Variants in ZMIZ1 observed in about 807,000 individuals in gnomAD.
ZMIZ1 encodes zinc finger MIZ-type containing 1, also known as zinc finger MIZ domain-containing protein 1.
ZMIZ1 carries 17 observed loss-of-function variants against 113.9 expected under a neutral mutation model. The ratio of observed to expected loss-of-function variants is 0.15; its 90% CI spans 0.10 to 0.22. The LOEUF is 0.22. ZMIZ1 is among the 10% of genes least tolerant of loss of function. The pLI is 1.00. For synonymous variants in ZMIZ1, 607 were observed against 603.1 expected, an observed-to-expected ratio of 1.01 and a Z score of -0.09; for missense variants, 1,059 against 1,477.8, an observed-to-expected ratio of 0.72 and a Z score of 4.65.
At chr10:79,293,286 A>C (rs1589581874) in intron 11 of ZMIZ1, 95 bp from the exon 12 acceptor site, 452 of 956,406 alleles carry the variant, frequency 4.7e-4, no homozygotes, top group East Asian at 5.6e-4. Context: ...CCACTCCTCC[A>C]CCTCCCCAAC....
intron 7 of ZMIZ1, among the ~76,000 whole-genome samples, chr10:79,229,644 C>G (rs1371580581): frequency 2.0e-5 from 3 of 152,154 alleles, no homozygotes; most frequent in Non-Finnish European, 2.9e-5. Flanking sequence ...TAAATTCACC[C>G]CTTCAACGTA....
intron 9 of ZMIZ1, 33 bp downstream of exon 9, chr10:79,289,922 T>G: frequency 1.3e-6 from 2 of 1,597,470 alleles, no homozygotes; most frequent in Non-Finnish European, 1.7e-6. Context: ...GCCACAGCTC[T>G]TTCTAGGCGG....
chr10:79,256,634 A>G (rs752960936), intron 7 of ZMIZ1, among the ~76,000 whole-genome samples: 2 of 152,250 alleles, frequency 1.3e-5, no homozygotes, highest in Non-Finnish European at 2.9e-5. Flanking sequence ...CCCTGCCAGC[A>G]GGACCCCTCT....
chr10:79,157,371 GTGT>G (rs1845941260), intron 3 of ZMIZ1, among the ~76,000 whole-genome samples: 66 of 32,060 alleles, frequency 2.1e-3, no homozygotes, highest in African/African-American at 0.017. Context: ...CATAAGGGGT[GTGT>G]GTGTGTGTGT....
chr10:79,277,236 G>A lies in ZMIZ1; in HGVS notation c.336G>A (p.Gln112=), dbSNP rs1564574205. ...ELGRLLLLRH[Q]KSRQSDPPGK... is the part of the protein sequence containing the mutation. ...GCCGCCTGCTGCTGCTCCGACATCA[G>A]AAGAGCCGCCAGAGCGATCCCCCTG... The change falls in exon 8 of 25, where the codon CAG becomes CAA. Residue 112 remains glutamine (Q), a synonymous_variant. Transcript: ENST00000334512. 6.3e-7 allele frequency: 1 copy of A among 1,589,932 alleles called. No homozygotes were observed. Among genetic ancestry groups the A allele is most frequent in the Non-Finnish European group, 8.6e-7 (1 of 1,168,422 alleles).
At chr10:79,158,136 G>A (rs1845975886) in intron 3 of ZMIZ1, among the ~76,000 whole-genome samples, 1 of 152,304 alleles carries the variant, frequency 6.6e-6, no homozygotes, top group East Asian at 1.9e-4. Flanking sequence ...CATGGGCTGA[G>A]CTTTTAACTC....
intron 1 of ZMIZ1, among the ~76,000 whole-genome samples, chr10:79,116,088 C>T (rs1343418297): frequency 6.6e-6 from 1 of 151,884 alleles, no homozygotes; most frequent in Non-Finnish European, 1.5e-5. Context: ...GAGTATAATC[C>T]CCCCGTAAGC....
intron 1 of ZMIZ1, among the ~76,000 whole-genome samples, chr10:79,086,684 AT>A (rs1300595462): frequency 6.6e-6 from 1 of 151,914 alleles, no homozygotes; most frequent in African/African-American, 2.4e-5. Flanking sequence ...ATTGAAAAAA[AT>A]TTTTTTTGTA....
At chr10:79,202,295 T>C (rs1340336815) in intron 5 of ZMIZ1, among the ~76,000 whole-genome samples, 1 of 150,822 alleles carries the variant, frequency 6.6e-6, no homozygotes, top group Non-Finnish European at 1.5e-5. Context: ...TATTTACTAA[T>C]TTATTTAAAA....
At chr10:79,196,556 G>A (rs754965468) in intron 4 of ZMIZ1, among the ~76,000 whole-genome samples, 7 of 152,220 alleles carry the variant, frequency 4.6e-5, no homozygotes, top group African/African-American at 9.6e-5. Flanking sequence ...CCGGCCTCCA[G>A]ACAAGACTGC....
At chr10:79,297,404 C>G (rs928737821) in intron 13 of ZMIZ1, among the ~76,000 whole-genome samples, 2 of 152,218 alleles carry the variant, frequency 1.3e-5, no homozygotes, top group Non-Finnish European at 2.9e-5. Flanking sequence ...ATTTTTGTAA[C>G]TTCTGCTAAA....
chr10:79,271,324 A>G (rs1033961613), intron 7 of ZMIZ1, among the ~76,000 whole-genome samples: 1 of 152,216 alleles, frequency 6.6e-6, no homozygotes, highest in South Asian at 2.1e-4. Context: ...TAATGAGCAT[A>G]TGCAGGGATT....
At chr10:79,246,529 C>A (rs1408888368) in intron 7 of ZMIZ1, among the ~76,000 whole-genome samples, 4 of 152,160 alleles carry the variant, frequency 2.6e-5, no homozygotes, top group Non-Finnish European at 5.9e-5. Flanking sequence ...TGGCTGGGAT[C>A]CTTAGCACCA....
At chr10:79,288,401 T>G (rs942793) in intron 8 of ZMIZ1, among the ~76,000 whole-genome samples, 61,174 of 151,962 alleles carry the variant, frequency 0.4, 12,750 homozygotes, top group East Asian at 0.64. Context: ...CTGCCAGGTG[T>G]GACTGAGAAC....
chr10:79,207,159 C>T (rs913121314), intron 5 of ZMIZ1, among the ~76,000 whole-genome samples: 1 of 152,218 alleles, frequency 6.6e-6, no homozygotes, highest in East Asian at 1.9e-4. Context: ...CCTCCCTGCC[C>T]TGGCGCTGGG....
chr10:79,096,248 C>T (rs1250860554), intron 1 of ZMIZ1, among the ~76,000 whole-genome samples: 3 of 152,140 alleles, frequency 2.0e-5, no homozygotes, highest in Admixed American at 1.3e-4. Flanking sequence ...CGGTGGCTCA[C>T]GCCTGTAATA....
chr10:79,097,776 C>T (rs11002813), intron 1 of ZMIZ1, among the ~76,000 whole-genome samples: 22,138 of 152,050 alleles, frequency 0.15, 1,850 homozygotes, highest in East Asian at 0.27. Context: ...CTTTTGTGCT[C>T]ACAGCATATG....
At chr10:79,233,146 G>T (rs561143010) in intron 7 of ZMIZ1, among the ~76,000 whole-genome samples, 8 of 152,356 alleles carry the variant, frequency 5.3e-5, no homozygotes, top group Admixed American at 1.3e-4. Flanking sequence ...CCCTTGTTGA[G>T]GGGGAGCAGC....
At chr10:79,113,284 T>A (rs572405724) in intron 1 of ZMIZ1, among the ~76,000 whole-genome samples, 39 of 152,344 alleles carry the variant, frequency 2.6e-4, no homozygotes, top group African/African-American at 9.1e-4. Flanking sequence ...CAGGACTGTC[T>A]GTGGCCGAGA....
Sources: allele counts gnomAD v4.1 joint callset (sites outside exome capture counted in the v4.1 genomes callset), GRCh38; gene constraint gnomAD v4.1.1; transcripts MANE v1.5; gene names NCBI Gene and HGNC (gene_info 2026-07-23, HGNC 2026-07-21).